CUX1: variants seen among roughly 807,000 people sequenced by gnomAD.
CUX1 encodes the protein cut like homeobox 1, also known as protein CASP.
CUX1 carries 31 observed loss-of-function variants against 158.8 expected under a neutral mutation model. The observed-to-expected ratio is 0.20, with a 90% confidence interval of 0.15 to 0.26. CUX1 has a LOEUF of 0.26. Among genes scored for constraint, CUX1 ranks in the 10% least tolerant of loss-of-function variants. The pLI is 1.00. For missense variants in CUX1, 1,589 were observed against 2,014.6 expected (o/e 0.79, Z 4.04); for synonymous variants, 879 against 862.1 (o/e 1.02, Z -0.34).
At chr7:102,026,818 TAAAAAAAAA>T (rs10533217) in intron 2 of CUX1, among the ~76,000 whole-genome samples, 7 of 96,316 alleles carry the variant, frequency 7.3e-5, no homozygotes, top group Admixed American at 1.3e-4. Flanking sequence ...ACTCCGTCTT[TAAAAAAAAA>T]AAAAAAAAAA....
At chr7:102,056,005 G>T (rs1411934247) in intron 3 of CUX1, among the ~76,000 whole-genome samples, 1 of 152,148 alleles carries the variant, frequency 6.6e-6, no homozygotes. Context: ...CTCTTAATTG[G>T]GTCTTAATTG....
At chr7:102,217,428 G>C (rs1450470852) in intron 20 of CUX1, among the ~76,000 whole-genome samples, 1 of 152,244 alleles carries the variant, frequency 6.6e-6, no homozygotes, top group Non-Finnish European at 1.5e-5. Flanking sequence ...CAACCACAGG[G>C]CCTCATCACC....
At chr7:102,208,245 TG>T (rs1796146020) in intron 20 of CUX1, among the ~76,000 whole-genome samples, 1 of 152,008 alleles carries the variant, frequency 6.6e-6, no homozygotes, top group African/African-American at 2.4e-5. Context: ...GGAGTGTGTG[TG>T]TGTGTGTGTG....
intron 1 of CUX1, among the ~76,000 whole-genome samples, chr7:101,842,657 A>G (rs958573804): frequency 4.6e-5 from 7 of 152,238 alleles, no homozygotes; most frequent in African/African-American, 1.7e-4. Context: ...AAGTGTTGGG[A>G]TTACAGGTGT....
chr7:101,849,079 T>A (rs909773069), intron 1 of CUX1, among the ~76,000 whole-genome samples: 1 of 152,132 alleles, frequency 6.6e-6, no homozygotes, highest in Non-Finnish European at 1.5e-5. Context: ...TGGCCAGTTA[T>A]GTAGTCAGCC....
Position 102,256,807 on chromosome 7 carries a change from T to G in CUX1, c.*7765T>G. The stretch of plus-strand genomic sequence containing the variant: ...GCGGTGGCCTGGCCAAGACTTTACC[T>G]CCAAGCGAGAGAGTGATTTCTTGCA... On this transcript the variant is annotated 3_prime_UTR_variant, in exon 24 of 24. Coordinates refer to ENST00000292535, the MANE Select transcript of CUX1 (RefSeq NM_181552.4). 13 of 985,440 alleles carry G rather than the reference T, an allele frequency of 1.3e-5. No individual in the cohort carries two copies. Among genetic ancestry groups the G allele is most frequent in the Non-Finnish European group, 1.6e-5 (13 of 829,950 alleles). The allele number at this position is 985,440 out of a possible 1,614,324, so 61.0% of individuals were successfully genotyped here.
At chr7:102,092,929 A>AAAAG (rs1253469214) in intron 4 of CUX1, among the ~76,000 whole-genome samples, 5 of 108,230 alleles carry the variant, frequency 4.6e-5, no homozygotes, top group East Asian at 2.0e-4. Flanking sequence ...AAAAAAAAAA[A>AAAAG]AAAGAAAGAA....
chr7:102,034,145 CAAAAAAAAAA>C (rs10655613), intron 3 of CUX1, among the ~76,000 whole-genome samples: 1 of 48,624 alleles, frequency 2.1e-5, no homozygotes, highest in East Asian at 6.3e-4. Context: ...GACTCCATCT[CAAAAAAAAAA>C]AAAAAAAAAA....
intron 1 of CUX1, among the ~76,000 whole-genome samples, chr7:101,821,790 T>A (rs1792625432): frequency 7.0e-6 from 1 of 143,588 alleles, no homozygotes; most frequent in Admixed American, 7.1e-5. Context: ...TTCTCCTTCC[T>A]TAGTCTCCCG....
chr7:102,067,059 A>G (rs1344615693), intron 3 of CUX1, among the ~76,000 whole-genome samples: 1 of 152,094 alleles, frequency 6.6e-6, no homozygotes. Flanking sequence ...AAAGTTGCAC[A>G]GCTGTCACCA....
chr7:102,263,793 A>G (rs1790596508), intron 14 of CUX1, among the ~76,000 whole-genome samples: 1 of 151,360 alleles, frequency 6.6e-6, no homozygotes, highest in South Asian at 2.1e-4. Flanking sequence ...CCGGGGTTCA[A>G]GCGATTCTCC....
chr7:101,926,862 T>A (rs1196499242), intron 2 of CUX1, among the ~76,000 whole-genome samples: 3 of 151,952 alleles, frequency 2.0e-5, no homozygotes, highest in Non-Finnish European at 4.4e-5. Context: ...CCCTCCTCTC[T>A]TCTTTCCTTC....
chr7:101,933,185 A>G (rs999172993), intron 2 of CUX1, among the ~76,000 whole-genome samples: 1 of 152,134 alleles, frequency 6.6e-6, no homozygotes, highest in Non-Finnish European at 1.5e-5. Flanking sequence ...CCGTGTCTCC[A>G]GTGCCTCGAT....
At chr7:101,888,737 A>G (rs1800528415) in intron 1 of CUX1, among the ~76,000 whole-genome samples, 1 of 152,004 alleles carries the variant, frequency 6.6e-6, no homozygotes. Context: ...TTACAGGTGC[A>G]CACCACTATA....
chr7:102,072,665 T>A (rs1421120396), intron 4 of CUX1, among the ~76,000 whole-genome samples: 1 of 151,374 alleles, frequency 6.6e-6, no homozygotes, highest in South Asian at 2.1e-4. Flanking sequence ...CAAGTGGGGG[T>A]TTTTCCTTCG....
chr7:102,112,495 G>A (rs1020675694), intron 7 of CUX1, among the ~76,000 whole-genome samples: 1 of 151,800 alleles, frequency 6.6e-6, no homozygotes, highest in Non-Finnish European at 1.5e-5. Flanking sequence ...CCCACCTCAG[G>A]CTCCCAAAGT....
At chr7:101,971,161 G>A (rs988434980) in intron 2 of CUX1, among the ~76,000 whole-genome samples, 4 of 152,226 alleles carry the variant, frequency 2.6e-5, no homozygotes, top group African/African-American at 4.8e-5. Flanking sequence ...TGCCAGCAAG[G>A]GTTGAGCTCA....
intron 11 of CUX1, among the ~76,000 whole-genome samples, chr7:102,185,490 G>A (rs1563369771): frequency 6.6e-6 from 1 of 151,980 alleles, no homozygotes; most frequent in Non-Finnish European, 1.5e-5. Context: ...CACCATCACA[G>A]CTCACTGGAG....
intron 3 of CUX1, among the ~76,000 whole-genome samples, chr7:102,042,014 A>G (rs1419093579): frequency 2.6e-5 from 4 of 151,876 alleles, no homozygotes; most frequent in African/African-American, 9.7e-5. Context: ...TCTAAAATGT[A>G]GAAGGGAGGA....
Sources: allele counts gnomAD v4.1 joint callset (sites outside exome capture counted in the v4.1 genomes callset), GRCh38; gene constraint gnomAD v4.1.1; transcripts MANE v1.5; gene names NCBI Gene and HGNC (gene_info 2026-07-23, HGNC 2026-07-21).